Variants in CNTNAP2 observed in about 807,000 individuals in gnomAD.
CNTNAP2 encodes contactin associated protein 2.
A neutral mutation model predicts 155.2 loss-of-function variants in CNTNAP2; 98 were observed. The ratio of observed to expected loss-of-function variants is 0.63; its 90% CI spans 0.54 to 0.75. The LOEUF is 0.75. CNTNAP2 is among the 30% of genes least tolerant of loss of function. The pLI is 0.00. For synonymous variants in CNTNAP2, 651 were observed against 631.2 expected (o/e 1.03, Z -0.47); for missense variants, 1,727 against 1,688.1 (o/e 1.02, Z -0.40).
intron 5 of CNTNAP2, among the ~76,000 whole-genome samples, chr7:147,115,710 T>C (rs1800972620): frequency 6.6e-6 from 1 of 152,110 alleles, no homozygotes; most frequent in African/African-American, 2.4e-5. Flanking sequence ...TCAGATCCCA[T>C]ATTGTATTAC....
intron 11 of CNTNAP2, among the ~76,000 whole-genome samples, chr7:147,561,560 T>C (rs1373101449): frequency 6.6e-6 from 1 of 152,238 alleles, no homozygotes; most frequent in East Asian, 1.9e-4. Flanking sequence ...CTAGATTTGA[T>C]GTAATTAAAG....
chr7:146,614,017 C>T (rs928822466), intron 1 of CNTNAP2, among the ~76,000 whole-genome samples: 1 of 152,108 alleles, frequency 6.6e-6, no homozygotes, highest in African/African-American at 2.4e-5. Flanking sequence ...ATCATATTAT[C>T]ATCAAGGAAT....
intron 13 of CNTNAP2, among the ~76,000 whole-genome samples, chr7:147,643,117 A>G: frequency 6.9e-6 from 1 of 144,958 alleles, no homozygotes; most frequent in South Asian, 2.1e-4. Flanking sequence ...TCACACATTG[A>G]GAAACACTGT....
intron 17 of CNTNAP2, among the ~76,000 whole-genome samples, chr7:148,147,954 A>G (rs1183758405): frequency 6.6e-6 from 1 of 152,104 alleles, no homozygotes; most frequent in Non-Finnish European, 1.5e-5. Context: ...ATCAGAGTGC[A>G]GGCTGAGACA....
chr7:147,654,714 G>A lies in CNTNAP2; in HGVS notation c.2098+15408G>A, dbSNP rs574286061. 2.8e-4 allele frequency among the ~76,000 whole-genome samples: 43 copies of A among 151,804 alleles called. 1 individual carries two copies. The South Asian group carries it at 8.7e-3, about 31-fold the overall frequency. On this transcript the variant is annotated intron_variant, in intron 13 of 23. Coordinates refer to ENST00000361727, the MANE Select transcript of CNTNAP2 (RefSeq NM_014141.6). ...GAATGTTTTTAATGGCTTCTAGGAT[G>A]GCAAATCCTTACCAGGAGGTTTTCA...
At chr7:146,295,285 A>G (rs1216503386) in intron 1 of CNTNAP2, among the ~76,000 whole-genome samples, 1 of 152,076 alleles carries the variant, frequency 6.6e-6, no homozygotes, top group Admixed American at 6.6e-5. Context: ...AATAAAATGG[A>G]TTTGTAAGTT....
chr7:147,675,134 A>T (rs1180214479), intron 13 of CNTNAP2, among the ~76,000 whole-genome samples: 1 of 152,050 alleles, frequency 6.6e-6, no homozygotes, highest in Non-Finnish European at 1.5e-5. Context: ...TGCCTCTTCC[A>T]TATTCTGGTG....
chr7:146,321,067 TGTAAA>T (rs111689554), intron 1 of CNTNAP2, among the ~76,000 whole-genome samples: 10,232 of 152,008 alleles, frequency 0.067, 963 homozygotes, highest in African/African-American at 0.21. Context: ...AAAAAAATAT[TGTAAA>T]GTAAAGTATA....
intron 1 of CNTNAP2, among the ~76,000 whole-genome samples, chr7:146,220,508 A>G (rs1799189678): frequency 6.6e-6 from 1 of 152,196 alleles, no homozygotes; most frequent in African/African-American, 2.4e-5. Flanking sequence ...TGAAAAAGAG[A>G]TTAAAATTGT....
rs190237723 is a variant in CNTNAP2, at chr7:146,491,073, A to C, written c.98-283198A>C. 1.5e-4 allele frequency among the ~76,000 whole-genome samples: 23 copies of C among 152,294 alleles called. No homozygotes were observed. The East Asian group carries it at 4.2e-3, about 28-fold the overall frequency. ...GTGCATATTATATGAAAAAGGCATA[A>C]AGATTTTTGCAAAGCCCCCCCAAAA... On this transcript the variant is annotated intron_variant, in intron 1 of 23. Coordinates refer to ENST00000361727, the MANE Select transcript of CNTNAP2 (RefSeq NM_014141.6).
At chr7:147,244,530 T>C (rs1433377075) in intron 8 of CNTNAP2, among the ~76,000 whole-genome samples, 3 of 152,330 alleles carry the variant, frequency 2.0e-5, no homozygotes, top group Admixed American at 6.5e-5. Flanking sequence ...GGACAAATAT[T>C]TCTTCCATGT....
intron 11 of CNTNAP2, among the ~76,000 whole-genome samples, chr7:147,548,308 TGA>T (rs1355370119): frequency 5.3e-5 from 8 of 152,242 alleles, no homozygotes; most frequent in African/African-American, 1.9e-4. Context: ...CTGACTGGTG[TGA>T]GATGGTGTCT....
chr7:147,337,398 T>C (rs1795683319), intron 9 of CNTNAP2, among the ~76,000 whole-genome samples: 1 of 152,140 alleles, frequency 6.6e-6, no homozygotes, highest in Non-Finnish European at 1.5e-5. Context: ...CTGGGAACAA[T>C]GGGAACAGAG....
intron 9 of CNTNAP2, among the ~76,000 whole-genome samples, chr7:147,332,472 C>CCTGGAGAG (rs1350457382): frequency 6.6e-6 from 1 of 152,024 alleles, no homozygotes; most frequent in East Asian, 1.9e-4. Flanking sequence ...CTGATTAACA[C>CCTGGAGAG]CTGGAGAGGT....
At chr7:147,010,676 G>C (rs1018113134) in intron 3 of CNTNAP2, among the ~76,000 whole-genome samples, 4 of 152,090 alleles carry the variant, frequency 2.6e-5, no homozygotes, top group African/African-American at 9.7e-5. Context: ...ACAAAGACAT[G>C]AGTAAATAAA....
chr7:147,494,468 C>CAAAG (rs1491180801), intron 11 of CNTNAP2, among the ~76,000 whole-genome samples: 6 of 116,386 alleles, frequency 5.2e-5, no homozygotes, highest in Admixed American at 2.9e-4. Context: ...TGAGTCTTGG[C>CAAAG]AAAAAAAAAA....
chr7:146,542,263 G>T (rs1266265791), intron 1 of CNTNAP2, among the ~76,000 whole-genome samples: 1 of 151,920 alleles, frequency 6.6e-6, no homozygotes, highest in African/African-American at 2.4e-5. Flanking sequence ...TAGGCTATAA[G>T]GGGAGTGCTG....
Position 147,605,913 on chromosome 7 carries a change from C to CTGTGTGTG in CNTNAP2, c.1898-33192_1898-33191insGTGTGTGT, listed in dbSNP as rs927873454. On this transcript the variant is annotated intron_variant, in intron 12 of 23. Coordinates refer to ENST00000361727, the MANE Select transcript of CNTNAP2 (RefSeq NM_014141.6). Reference sequence around the variant, plus strand: ...CTTCTCTCTCTCTCTCTTTCTCTCTCTCTGTGTGTGTGTGTGTTTGTGTGT... The same window carrying CTGTGTGTG: ...CTTCTCTCTCTCTCTCTTTCTCTCTCTGTGTGTGTCTGTGTGTGTGTGTGTTTGTGTGT... Among the ~76,000 whole-genome samples, 315 of 151,034 alleles carry CTGTGTGTG rather than the reference C, an allele frequency of 2.1e-3. 2 individuals are homozygous for CTGTGTGTG. The highest frequency in any genetic ancestry group is 7.4e-3 in the African/African-American group (299 of 40,642).
chr7:147,912,198 G>GGATACTC (rs1800078839), intron 14 of CNTNAP2, among the ~76,000 whole-genome samples: 1 of 151,552 alleles, frequency 6.6e-6, no homozygotes, highest in South Asian at 2.1e-4. Context: ...TTAAATGAGA[G>GGATACTC]GATACTCATA....
Sources: gnomAD v4.1 joint callset for allele counts (sites outside exome capture counted in the v4.1 genomes callset) on GRCh38, gnomAD v4.1.1 for gene constraint, MANE v1.5 for transcripts, NCBI Gene and HGNC (gene_info 2026-07-23, HGNC 2026-07-21) for gene names.